Variants in CTNNA3 observed in about 807,000 individuals in gnomAD.
CTNNA3 encodes the protein catenin alpha 3, also known as catenin alpha-3.
Under a neutral mutation model 95.7 loss-of-function variants are expected in CTNNA3, and 76 were observed. The ratio of observed to expected loss-of-function variants is 0.79; its 90% CI spans 0.66 to 0.96. CTNNA3 has a LOEUF of 0.96. Ranked by LOEUF, CTNNA3 falls within the 40% of genes least tolerant of loss-of-function variation. CTNNA3 has a pLI of 0.00. For synonymous variants in CTNNA3, 431 were observed against 374.4 expected (o/e 1.15, Z -1.74); for missense variants, 1,191 against 1,089.8 (o/e 1.09, Z -1.31).
intron 9 of CTNNA3, among the ~76,000 whole-genome samples, chr10:66,638,508 A>T: frequency 6.6e-6 from 1 of 152,174 alleles, no homozygotes; most frequent in South Asian, 2.1e-4. Context: ...TGATATTAAT[A>T]GGCTTAATCT....
At chr10:67,009,551 G>A (rs1004286568) in intron 7 of CTNNA3, among the ~76,000 whole-genome samples, 11 of 151,404 alleles carry the variant, frequency 7.3e-5, no homozygotes, top group Non-Finnish European at 1.3e-4. Flanking sequence ...TTGCTTGTCC[G>A]TATCATATCT....
intron 1 of CTNNA3, among the ~76,000 whole-genome samples, chr10:67,671,235 G>C (rs1463336020): frequency 6.6e-6 from 1 of 152,098 alleles, no homozygotes; most frequent in Non-Finnish European, 1.5e-5. Context: ...TCCTTAACCT[G>C]ACTGTGGTAA....
Position 66,980,632 on chromosome 10 carries a change from T to C in CTNNA3, c.1047+199685A>G, listed in dbSNP as rs115546975. Reference sequence around the variant, plus strand: ...CAGATGGCCCTACAGTTAATGAGATTCTTGCAAGCCCGCAATTCTGTTGAA... The same window carrying C: ...CAGATGGCCCTACAGTTAATGAGATCCTTGCAAGCCCGCAATTCTGTTGAA... On this transcript the variant is annotated intron_variant, in intron 7 of 17. Coordinates refer to ENST00000433211, the MANE Select transcript of CTNNA3 (RefSeq NM_013266.4). Among the ~76,000 whole-genome samples, 1,376 of 152,230 alleles carry C rather than the reference T, an allele frequency of 9.0e-3. 17 individuals carry two copies. Among genetic ancestry groups the C allele is most frequent in the African/African-American group, 0.032 (1,316 of 41,504 alleles).
intron 1 of CTNNA3, among the ~76,000 whole-genome samples, chr10:67,683,010 CT>C (rs142151948): frequency 2.0e-5 from 3 of 151,978 alleles, no homozygotes; most frequent in African/African-American, 2.4e-5. Context: ...AACATTATGC[CT>C]TTTTTTTCTT....
chr10:67,294,557 T>C (rs1453898262), intron 5 of CTNNA3, among the ~76,000 whole-genome samples: 1 of 152,130 alleles, frequency 6.6e-6, no homozygotes, highest in Non-Finnish European at 1.5e-5. Flanking sequence ...CTATGTATAT[T>C]GTCAAATCAA....
chr10:66,422,984 G>C (rs1163609762), intron 11 of CTNNA3, among the ~76,000 whole-genome samples: 2 of 151,908 alleles, frequency 1.3e-5, no homozygotes, highest in African/African-American at 4.8e-5. Context: ...AGGAGGTAGG[G>C]GGGCAGCTTT....
At chr10:65,959,968 T>G (rs540400796) in intron 17 of CTNNA3, among the ~76,000 whole-genome samples, 253 of 152,332 alleles carry the variant, frequency 1.7e-3, no homozygotes, top group Non-Finnish European at 2.1e-3. Flanking sequence ...TCTCTGTTCA[T>G]GATCTCAAAA....
intron 5 of CTNNA3, among the ~76,000 whole-genome samples, chr10:67,518,009 T>C (rs765535357): frequency 1.3e-5 from 2 of 152,194 alleles, no homozygotes; most frequent in African/African-American, 4.8e-5. Context: ...GGTGCAATGT[T>C]AAGTCCTTTA....
intron 3 of CTNNA3, among the ~76,000 whole-genome samples, chr10:67,552,127 A>C (rs1841054947): frequency 6.6e-6 from 1 of 152,268 alleles, no homozygotes; most frequent in Non-Finnish European, 1.5e-5. Flanking sequence ...GAGAAGTATT[A>C]TCTCATATAA....
At chr10:67,410,646 A>C (rs934877621) in intron 5 of CTNNA3, among the ~76,000 whole-genome samples, 22 of 150,722 alleles carry the variant, frequency 1.5e-4, no homozygotes, top group African/African-American at 3.9e-4. Flanking sequence ...AAAAAAAAAA[A>C]CCCACAGAAA....
chr10:66,981,917 G>T (rs1194973673), intron 7 of CTNNA3, among the ~76,000 whole-genome samples: 1 of 152,152 alleles, frequency 6.6e-6, no homozygotes, highest in African/African-American at 2.4e-5. Context: ...AAGAGAAAAT[G>T]AAATCCACAG....
intron 7 of CTNNA3, among the ~76,000 whole-genome samples, chr10:66,782,739 T>C (rs1840589887): frequency 6.6e-6 from 1 of 152,168 alleles, no homozygotes; most frequent in Non-Finnish European, 1.5e-5. Flanking sequence ...CAAGCTATAT[T>C]ATTAATACAT....
intron 13 of CTNNA3, among the ~76,000 whole-genome samples, chr10:66,202,392 C>G (rs1460810727): frequency 6.6e-6 from 1 of 152,200 alleles, no homozygotes; most frequent in Non-Finnish European, 1.5e-5. Context: ...AAGGCAAATG[C>G]CAAGGTACAA....
intron 5 of CTNNA3, among the ~76,000 whole-genome samples, chr10:67,408,706 C>T (rs1056998805): frequency 4.6e-5 from 7 of 151,936 alleles, no homozygotes; most frequent in African/African-American, 1.7e-4. Context: ...ATGCCAAAAA[C>T]AACTGCAACA....
At chr10:67,365,641 GTC>G (rs1843183346) in intron 5 of CTNNA3, among the ~76,000 whole-genome samples, 2 of 152,134 alleles carry the variant, frequency 1.3e-5, no homozygotes, top group Non-Finnish European at 2.9e-5. Flanking sequence ...ATCATCACTG[GTC>G]ATCAGAGAAA....
chr10:66,173,234 G>A lies in CTNNA3; in HGVS notation c.1885-69985C>T, dbSNP rs565027246. On this transcript the variant is annotated intron_variant, in intron 13 of 17. Transcript: ENST00000433211. ...AAAAAACATCTATGTTTGCATTCAG[G>A]CAAAAGAAGGGGTAGAAAAAGAAAA... Among the ~76,000 whole-genome samples the A allele has an allele frequency of 1.4e-4, 21 of 152,172 alleles. 1 individual carries two copies. In the South Asian group the frequency reaches 4.4e-3, roughly 32 times the overall value.
intron 5 of CTNNA3, among the ~76,000 whole-genome samples, chr10:67,417,857 C>T (rs371415415): frequency 5.9e-5 from 9 of 152,156 alleles, no homozygotes; most frequent in Middle Eastern, 3.4e-3. Context: ...GACATATTGG[C>T]GAAGCATAAT....
intron 9 of CTNNA3, among the ~76,000 whole-genome samples, chr10:66,657,685 T>C (rs1297765957): frequency 6.6e-6 from 1 of 152,220 alleles, no homozygotes; most frequent in Admixed American, 6.5e-5. Context: ...ATAATTTTTA[T>C]TTTATTAATT....
intron 9 of CTNNA3, among the ~76,000 whole-genome samples, chr10:66,624,424 C>T (rs1215463102): frequency 6.6e-6 from 1 of 152,094 alleles, no homozygotes; most frequent in Non-Finnish European, 1.5e-5. Flanking sequence ...AAAGAAATTT[C>T]ATACTCTCAG....
Sources: allele counts gnomAD v4.1 joint callset (sites outside exome capture counted in the v4.1 genomes callset), GRCh38; gene constraint gnomAD v4.1.1; transcripts MANE v1.5; gene names NCBI Gene and HGNC (gene_info 2026-07-23, HGNC 2026-07-21).